The following LGR5 variants were observed in gnomAD, a reference collection of about 807,000 sequenced individuals.
LGR5 encodes leucine-rich repeat-containing G protein-coupled receptor 5.
Under a neutral mutation model 76.7 loss-of-function variants are expected in LGR5, and 54 were observed. The observed-to-expected ratio is 0.70, with a 90% CI of 0.57 to 0.88. The LOEUF (loss-of-function observed/expected upper bound fraction) is 0.88, where lower values mean the gene tolerates loss of function less well. LGR5 is among the 40% of genes least tolerant of loss of function. LGR5 has a pLI of 0.00. For synonymous variants in LGR5, 406 were observed against 421.9 expected (o/e 0.96, Z 0.46); for missense variants, 1,078 against 1,073.3 (o/e 1.00, Z -0.06).
chr12:71,536,712 T>C (rs1876606910), intron 4 of LGR5, among the ~76,000 whole-genome samples: 1 of 152,220 alleles, frequency 6.6e-6, no homozygotes, highest in African/African-American at 2.4e-5. Flanking sequence ...CACTATCAGC[T>C]GAAAGAAGAT....
At chr12:71,551,217 T>C (rs539267151) in intron 4 of LGR5, among the ~76,000 whole-genome samples, 1 of 152,370 alleles carries the variant, frequency 6.6e-6, no homozygotes, top group South Asian at 2.1e-4. Flanking sequence ...CATCGCTTGT[T>C]CCTTCCCATT....
intron 1 of LGR5, among the ~76,000 whole-genome samples, chr12:71,499,375 G>A (rs1331004925): frequency 2.6e-5 from 4 of 151,984 alleles, no homozygotes; most frequent in African/African-American, 9.7e-5. Context: ...ATGGGGGAGT[G>A]GTAATTTGGA....
At chr12:71,535,642 T>G (rs2137368488) in intron 4 of LGR5, among the ~76,000 whole-genome samples, 1 of 152,336 alleles carries the variant, frequency 6.6e-6, no homozygotes, top group Middle Eastern at 3.4e-3. Context: ...TAGTACTGCC[T>G]ATATAATACA....
intron 1 of LGR5, among the ~76,000 whole-genome samples, chr12:71,458,245 G>A (rs900369319): frequency 6.6e-6 from 1 of 151,844 alleles, no homozygotes; most frequent in South Asian, 2.1e-4. Flanking sequence ...CTAATCTCCT[G>A]CGCTAGGGTT....
intron 2 of LGR5, among the ~76,000 whole-genome samples, chr12:71,512,451 G>GGGAT (rs1875203495): frequency 6.6e-6 from 1 of 152,226 alleles, no homozygotes; most frequent in Non-Finnish European, 1.5e-5. Flanking sequence ...CCTTGAATAT[G>GGGAT]CATTAGAATC....
chr12:71,447,484 T>C (rs1872052868), intron 1 of LGR5, among the ~76,000 whole-genome samples: 1 of 152,212 alleles, frequency 6.6e-6, no homozygotes, highest in Non-Finnish European at 1.5e-5. Context: ...TTTAAAATAG[T>C]ACTCTCATAC....
At chr12:71,558,761 C>A (rs1592544232) in intron 6 of LGR5, among the ~76,000 whole-genome samples, 1 of 152,282 alleles carries the variant, frequency 6.6e-6, no homozygotes, top group Middle Eastern at 3.4e-3. Context: ...GGGAAATCTG[C>A]CATTCCCAGA....
chr12:71,477,322 T>TG (rs1873380705), intron 1 of LGR5, among the ~76,000 whole-genome samples: 1 of 152,010 alleles, frequency 6.6e-6, no homozygotes, highest in Admixed American at 6.6e-5. Flanking sequence ...TGCAAATGGA[T>TG]GCCTCTGGGA....
intron 3 of LGR5, among the ~76,000 whole-genome samples, chr12:71,529,193 G>A (rs549106282): frequency 5.3e-5 from 8 of 152,038 alleles, no homozygotes; most frequent in Admixed American, 2.6e-4. Flanking sequence ...TATCGTATTA[G>A]TCCATTTTCA....
At chr12:71,566,722 G>A in intron 10 of LGR5, 22 bp downstream of exon 10, 2 of 1,602,354 alleles carry the variant, frequency 1.2e-6, no homozygotes, top group Non-Finnish European at 1.7e-6. Context: ...GTAGACTCTT[G>A]ACTTTGCCCA....
At chr12:71,478,812 T>C (rs553444906) in intron 1 of LGR5, among the ~76,000 whole-genome samples, 2 of 152,314 alleles carry the variant, frequency 1.3e-5, no homozygotes, top group East Asian at 1.9e-4. Context: ...CTCCTTTGTT[T>C]TGGGTTTAAA....
intron 3 of LGR5, among the ~76,000 whole-genome samples, chr12:71,533,362 ATT>A (rs1491432110): frequency 1.3e-5 from 2 of 152,106 alleles, no homozygotes; most frequent in Non-Finnish European, 2.9e-5. Flanking sequence ...TAAATAAATA[ATT>A]AAATAACTAA....
chr12:71,508,243 A>T (rs1301114400), intron 2 of LGR5, among the ~76,000 whole-genome samples: 1 of 152,036 alleles, frequency 6.6e-6, no homozygotes, highest in Non-Finnish European at 1.5e-5. Flanking sequence ...AAACAAAAAA[A>T]ATCACTATTA....
At chr12:71,553,327 A>G in intron 5 of LGR5, 39 bp downstream of exon 5, 1 of 1,541,068 alleles carries the variant, frequency 6.5e-7, no homozygotes, top group Non-Finnish European at 9.0e-7. Flanking sequence ...AACAGTTTCT[A>G]ATGTCACTGG....
At position 71,584,047 on chromosome 12, in the gene LGR5, T is replaced by C; in HGVS notation, c.2037T>C (p.Ser679=). ...AATTTGAAACGAAAGCTCCATTTTC[T>C]AGCCTGAAAGTAATCATTTTGCTCT... ...SAKFETKAPF[S]SLKVIILLCA... is the part of the protein sequence containing the mutation. The change falls in exon 18 of 18, where the codon TCT becomes TCC. Residue 679 remains serine (S), a synonymous_variant. Transcript: ENST00000266674. The C allele has an allele frequency of 1.2e-6, 2 of 1,614,234 alleles. No homozygotes were observed. The highest frequency in any genetic ancestry group is 1.7e-6 in the Non-Finnish European group (2 of 1,180,040).
chr12:71,449,653 T>C (rs560911107), intron 1 of LGR5, among the ~76,000 whole-genome samples: 26 of 152,298 alleles, frequency 1.7e-4, no homozygotes, highest in South Asian at 1.2e-3. Flanking sequence ...GACTACTACA[T>C]AGTAATTTGA....
At chr12:71,456,893 T>C (rs1409884008) in intron 1 of LGR5, among the ~76,000 whole-genome samples, 2 of 152,056 alleles carry the variant, frequency 1.3e-5, no homozygotes, top group African/African-American at 4.8e-5. Context: ...GGTAAAGATA[T>C]ATCTTTCCTG....
At chr12:71,562,324 C>T (rs1039139387) in intron 8 of LGR5, among the ~76,000 whole-genome samples, 1 of 152,104 alleles carries the variant, frequency 6.6e-6, no homozygotes, top group Non-Finnish European at 1.5e-5. Flanking sequence ...CATTATTATG[C>T]CCAAACATTC....
chr12:71,567,670 G>A (rs1878414692), intron 11 of LGR5, among the ~76,000 whole-genome samples: 1 of 152,142 alleles, frequency 6.6e-6, no homozygotes, highest in African/African-American at 2.4e-5. Flanking sequence ...CACTCAGAAT[G>A]TTAAGTAGAT....
Sources: allele counts gnomAD v4.1 joint callset (sites outside exome capture counted in the v4.1 genomes callset), GRCh38; gene constraint gnomAD v4.1.1; transcripts MANE v1.5; gene names NCBI Gene and HGNC (gene_info 2026-07-23, HGNC 2026-07-21).